IPCEF1: variants seen among roughly 807,000 people sequenced by gnomAD.
The protein encoded by IPCEF1 is interaction protein for cytohesin exchange factors 1.
In IPCEF1, 31 loss-of-function variants were observed where a neutral mutation model predicts 50.9. That is an observed-to-expected ratio of 0.61 (90% CI 0.46 to 0.82). IPCEF1 has a LOEUF of 0.82. Among genes scored for constraint, IPCEF1 ranks in the 40% least tolerant of loss-of-function variants. The pLI is 0.00. For missense variants in IPCEF1, 458 were observed against 514.0 expected, an observed-to-expected ratio of 0.89 and a Z score of 1.05; for synonymous variants, 181 against 192.0, an observed-to-expected ratio of 0.94 and a Z score of 0.47.
intron 2 of IPCEF1, among the ~76,000 whole-genome samples, chr6:154,281,151 G>A (rs905868597): frequency 7.0e-6 from 1 of 142,006 alleles, no homozygotes; most frequent in African/African-American, 2.6e-5. Flanking sequence ...ACCAGCCTGG[G>A]CAAGATGGTG....
chr6:154,220,506 C>T (rs1778777662), intron 7 of IPCEF1, among the ~76,000 whole-genome samples: 1 of 152,124 alleles, frequency 6.6e-6, no homozygotes, highest in South Asian at 2.1e-4. Context: ...AAAAAATTAG[C>T]TGGGCATGGT....
At chr6:154,260,631 C>T (rs1562570058) in intron 3 of IPCEF1, among the ~76,000 whole-genome samples, 1 of 152,098 alleles carries the variant, frequency 6.6e-6, no homozygotes, top group Non-Finnish European at 1.5e-5. Context: ...CGCCACCACA[C>T]CCAGCTAATT....
intron 10 of IPCEF1, among the ~76,000 whole-genome samples, chr6:154,177,381 T>C (rs1800425869): frequency 6.6e-6 from 1 of 152,100 alleles, no homozygotes; most frequent in Non-Finnish European, 1.5e-5. Flanking sequence ...ATCTTTGCAA[T>C]CTATCCATCT....
Position 154,156,301 on chromosome 6 carries a change from C to G in IPCEF1, c.*3527G>C, listed in dbSNP as rs918881325. On this transcript the variant is annotated 3_prime_UTR_variant, in exon 12 of 12. Coordinates refer to ENST00000367220, the MANE Select transcript of IPCEF1 (RefSeq NM_001130700.2). The stretch of plus-strand genomic sequence containing the variant: ...TAGCCAAACAGCCACCAGGGCCAGC[C>G]GTATGCTAAGCCCAGTGCAATGAAA... 6.6e-6 allele frequency: 1 copy of G among 152,256 alleles called. No homozygotes were observed. The highest frequency in any genetic ancestry group is 2.4e-5 in the African/African-American group (1 of 41,432). The allele number at this position is 152,256 out of a possible 1,614,324, so 9.4% of individuals were successfully genotyped here.
chr6:154,245,412 G>A (rs922431226), intron 5 of IPCEF1, among the ~76,000 whole-genome samples: 1 of 152,170 alleles, frequency 6.6e-6, no homozygotes, highest in African/African-American at 2.4e-5. Flanking sequence ...TCCCAGCACT[G>A]GAATTGGATT....
chr6:154,310,679 A>G (rs1323271422), intron 1 of IPCEF1, among the ~76,000 whole-genome samples: 1 of 148,446 alleles, frequency 6.7e-6, no homozygotes, highest in Non-Finnish European at 1.5e-5. Flanking sequence ...GACCTAAAAA[A>G]GAAGGAGAGT....
intron 9 of IPCEF1, among the ~76,000 whole-genome samples, chr6:154,209,071 T>G (rs754352410): frequency 9.9e-5 from 15 of 152,202 alleles, no homozygotes; most frequent in Non-Finnish European, 1.9e-4. Flanking sequence ...TTCAGCCCAT[T>G]AGAAGCAGAA....
rs1250920211 is a variant in IPCEF1 at position 154,212,832 on chromosome 6, C to T, written c.475G>A (p.Glu159Lys). 6.2e-7 allele frequency: 1 copy of T among 1,613,050 alleles called. No individual in the cohort carries two copies. Among genetic ancestry groups the T allele is most frequent in the Non-Finnish European group, 8.5e-7 (1 of 1,179,136 alleles). ...GTCTCCGCAGCTATTTCTGGATCTT[C>T]CTGTTCACTTTCACTGTAACATTCT... Reference protein sequence around the residue: ...DEECYSESEQEDPEIAAETPP... With the variant: ...DEECYSESEQKDPEIAAETPP... The change falls in exon 9 of 12, where the codon GAA becomes AAA. Residue 159 changes from glutamate to lysine, a missense_variant. By Grantham distance (56) the Glu-to-Lys change is moderately conservative (BLOSUM62 1). Transcript: ENST00000367220.
intron 1 of IPCEF1, among the ~76,000 whole-genome samples, chr6:154,325,188 A>G (rs529291851): frequency 6.6e-6 from 1 of 152,326 alleles, no homozygotes; most frequent in African/African-American, 2.4e-5. Flanking sequence ...AATTCTCAAA[A>G]CATATTCATA....
At chr6:154,197,449 A>G (rs1376977196) in intron 10 of IPCEF1, among the ~76,000 whole-genome samples, 1 of 152,236 alleles carries the variant, frequency 6.6e-6, no homozygotes. Context: ...TCTGTAGCAT[A>G]TGAGAACTGC....
intron 1 of IPCEF1, among the ~76,000 whole-genome samples, chr6:154,297,906 T>C (rs1782703482): frequency 6.6e-6 from 1 of 152,196 alleles, no homozygotes; most frequent in Non-Finnish European, 1.5e-5. Flanking sequence ...GGATGAGATT[T>C]TGGACAGCAC....
At chr6:154,241,234 CAAAAAAA>C (rs11308882) in intron 5 of IPCEF1, among the ~76,000 whole-genome samples, 18 of 79,212 alleles carry the variant, frequency 2.3e-4, no homozygotes, top group Middle Eastern at 6.3e-3. Flanking sequence ...GACTCCATCT[CAAAAAAA>C]AAAAAAAAAA....
chr6:154,233,008 A>T (rs1779843201), intron 5 of IPCEF1, among the ~76,000 whole-genome samples: 1 of 143,916 alleles, frequency 6.9e-6, no homozygotes. Flanking sequence ...TATTCTTGTC[A>T]CCCAGGCTGG....
At chr6:154,299,389 G>A (rs775873974) in intron 1 of IPCEF1, among the ~76,000 whole-genome samples, 1 of 141,538 alleles carries the variant, frequency 7.1e-6, no homozygotes, top group Non-Finnish European at 1.6e-5. Context: ...ATCAATGACA[G>A]ACTGGATAAA....
At position 154,221,343 on chromosome 6, in the gene IPCEF1, A is replaced by G. The variant is rs367553685; in HGVS notation, c.321-15T>C. On this transcript the variant is annotated splice_polypyrimidine_tract_variant and intron_variant, in intron 6 of 11. Transcript: ENST00000367220. ...TCTTAAAAGCACTTGAAGGAGGAAAAGCACAAACACATAAAAAATTAGTGT... is the reference window on the plus strand; with the variant it reads ...TCTTAAAAGCACTTGAAGGAGGAAAGGCACAAACACATAAAAAATTAGTGT... The G allele has an allele frequency of 7.5e-6, 12 of 1,610,278 alleles. No homozygotes were observed. In the African/African-American group the frequency reaches 1.6e-4, roughly 22 times the overall value.
chr6:154,184,344 T>C (rs528575550), intron 10 of IPCEF1, among the ~76,000 whole-genome samples: 3 of 152,098 alleles, frequency 2.0e-5, no homozygotes, highest in Non-Finnish European at 4.4e-5. Context: ...TAAATAATAC[T>C]ACTATACTAG....
chr6:154,309,804 C>T (rs937283850), intron 1 of IPCEF1, among the ~76,000 whole-genome samples: 2 of 151,154 alleles, frequency 1.3e-5, no homozygotes, highest in Non-Finnish European at 2.9e-5. Flanking sequence ...TGCTCTGTCA[C>T]CCAGGCTGGG....
At chr6:154,164,972 C>G (rs1799311699) in intron 11 of IPCEF1, among the ~76,000 whole-genome samples, 1 of 152,148 alleles carries the variant, frequency 6.6e-6, no homozygotes, top group East Asian at 1.9e-4. Flanking sequence ...CCAGTACTAT[C>G]CCAGTGCAGG....
intron 9 of IPCEF1, 74 bp from the exon 10 acceptor site, chr6:154,200,114 T>C (rs1215878976): frequency 7.4e-7 from 1 of 1,357,986 alleles, no homozygotes; most frequent in Non-Finnish European, 9.9e-7. Context: ...ACCTTTTATT[T>C]TCAATCACGG....
Sources: allele counts gnomAD v4.1 joint callset (sites outside exome capture counted in the v4.1 genomes callset), GRCh38; gene constraint gnomAD v4.1.1; transcripts MANE v1.5; gene names NCBI Gene and HGNC (gene_info 2026-07-23, HGNC 2026-07-21).